PCDHA2: variants seen among roughly 807,000 people sequenced by gnomAD.
The protein encoded by PCDHA2 is protocadherin alpha-2.
Under a neutral mutation model 66.0 loss-of-function variants are expected in PCDHA2, and 58 were observed. The observed-to-expected ratio is 0.88, with a 90% CI of 0.71 to 1.09. The LOEUF is 1.09. Ranked by LOEUF, PCDHA2 falls within the 50% of genes least tolerant of loss-of-function variation. The pLI is 0.00. For synonymous variants in PCDHA2, 634 were observed against 554.0 expected (o/e 1.14, Z -2.03); for missense variants, 1,267 against 1,242.3 (o/e 1.02, Z -0.30).
At chr5:140,846,654 A>T (rs941473250) in intron 1 of PCDHA2, among the ~76,000 whole-genome samples, 1 of 149,238 alleles carries the variant, frequency 6.7e-6, no homozygotes, top group African/African-American at 2.5e-5. Flanking sequence ...GATTACAGGC[A>T]TGAGCCACCG....
intron 1 of PCDHA2, chr5:140,883,801 C>T (rs782690228): frequency 4.3e-6 from 7 of 1,612,430 alleles, no homozygotes; most frequent in Non-Finnish European, 5.9e-6. Context: ...TGTCGGTGCA[C>T]GCGGAGAGCG....
chr5:140,857,108 C>T, intron 1 of PCDHA2: 6 of 1,597,856 alleles, frequency 3.8e-6, no homozygotes, highest in Non-Finnish European at 5.1e-6. Context: ...TGTCACTTCT[C>T]TGTCTCTCCC....
At chr5:140,870,819 G>A (rs1365807310) in intron 1 of PCDHA2, 2 of 1,613,712 alleles carry the variant, frequency 1.2e-6, no homozygotes, top group Admixed American at 3.3e-5. Flanking sequence ...CTGGCAGCGC[G>A]GGAGGCGCAG....
intron 1 of PCDHA2, chr5:140,857,755 T>A: frequency 6.3e-7 from 1 of 1,597,184 alleles, no homozygotes; most frequent in Non-Finnish European, 8.6e-7. Flanking sequence ...CGTCTCCCGC[T>A]GGCAGCGCGG....
In PCDHA2 at chr5:140,857,564, T is replaced by C. The variant is rs1254291079; in HGVS notation, c.2388+60212T>C. 1 of 1,596,742 alleles carries C rather than the reference T, an allele frequency of 6.3e-7. No homozygotes were observed. The highest frequency in any genetic ancestry group is 1.3e-5 in the African/African-American group (1 of 74,340). ...GTTGGGCGAGCGCTCGCTGTCGAGC[T>C]ACGTGTCGGTGCACGCGGAGAGCGG... On this transcript the variant is annotated intron_variant, in intron 1 of 3. Coordinates refer to ENST00000526136, the MANE Select transcript of PCDHA2 (RefSeq NM_018905.3).
Position 140,871,086 on chromosome 5 carries a change from G to C in PCDHA2, c.2388+73734G>C, listed in dbSNP as rs556097993. The C allele has an allele frequency of 1.9e-6, 3 of 1,613,256 alleles. No individual in the cohort carries two copies. In the South Asian group the frequency reaches 3.3e-5, roughly 18 times the overall value. ...ACGGTGAGCCGGCGCTGACGGCCAC[G>C]GCCACCGTGCTGGTGTCGTTGGTGG... On this transcript the variant is annotated intron_variant, in intron 1 of 3. Coordinates refer to ENST00000526136, the MANE Select transcript of PCDHA2 (RefSeq NM_018905.3).
intron 1 of PCDHA2, chr5:140,929,850 G>T: frequency 6.5e-6 from 1 of 154,348 alleles, no homozygotes. Flanking sequence ...GAGGAGGAAG[G>T]AGTCAGAGAA....
intron 1 of PCDHA2, chr5:140,807,779 A>G (rs1562212438): frequency 6.2e-7 from 1 of 1,614,134 alleles, no homozygotes; most frequent in East Asian, 2.2e-5. Context: ...TATATTACGG[A>G]AATCTTTAGA....
At chr5:140,883,675 G>T (rs782140381) in intron 1 of PCDHA2, 5 of 1,613,894 alleles carry the variant, frequency 3.1e-6, no homozygotes, top group Non-Finnish European at 4.2e-6. Context: ...AAAACAATCC[G>T]CCGGGCTGCC....
chr5:140,851,492 T>C, intron 1 of PCDHA2: 2 of 896,256 alleles, frequency 2.2e-6, no homozygotes, highest in Non-Finnish European at 2.7e-6. Context: ...ACAGCCTTCA[T>C]TTCAACTTAT....
intron 1 of PCDHA2, among the ~76,000 whole-genome samples, chr5:140,936,113 G>A (rs1316824905): frequency 2.0e-5 from 3 of 151,964 alleles, no homozygotes; most frequent in South Asian, 2.1e-4. Context: ...GGCTGGTCTC[G>A]AACTCCTGAC....
chr5:140,890,173 C>T (rs1188650558), intron 1 of PCDHA2, among the ~76,000 whole-genome samples: 4 of 152,114 alleles, frequency 2.6e-5, no homozygotes, highest in African/African-American at 7.2e-5. Context: ...CAGAAATAGG[C>T]AAATGCTACA....
chr5:140,869,238 G>A (rs1430399840), intron 1 of PCDHA2: 1 of 1,613,534 alleles, frequency 6.2e-7, no homozygotes, highest in African/African-American at 1.3e-5. Flanking sequence ...GCACCTTCGT[G>A]GGCCGCATCG....
intron 1 of PCDHA2, chr5:140,867,950 C>G (rs2050209580): frequency 1.3e-5 from 2 of 152,002 alleles, no homozygotes; most frequent in Non-Finnish European, 2.9e-5. Context: ...ACTTCTGCTC[C>G]CAAACCCAAA....
intron 1 of PCDHA2, chr5:140,869,906 A>G: frequency 6.2e-7 from 1 of 1,610,936 alleles, no homozygotes; most frequent in Non-Finnish European, 8.5e-7. Context: ...AACGCCACAG[A>G]CCGAGACGAA....
chr5:140,853,953 C>A, intron 1 of PCDHA2: 1 of 757,816 alleles, frequency 1.3e-6, no homozygotes, highest in Non-Finnish European at 1.6e-6. Flanking sequence ...AGGGTCCCTT[C>A]CTTGAGCCCA....
chr5:140,837,063 T>G, intron 1 of PCDHA2: 1 of 187,816 alleles, frequency 5.3e-6, no homozygotes, highest in South Asian at 1.4e-4. Flanking sequence ...TTCCATATTT[T>G]GATAATCAAT....
At chr5:140,805,596 A>G (rs1763602146) in intron 1 of PCDHA2, 1 of 927,716 alleles carries the variant, frequency 1.1e-6, no homozygotes, top group Non-Finnish European at 1.3e-6. Context: ...ATGTCTTTAT[A>G]TATTAAATTT....
At chr5:140,808,857 A>G (rs1764281184) in intron 1 of PCDHA2, 2 of 1,613,038 alleles carry the variant, frequency 1.2e-6, no homozygotes, top group African/African-American at 2.7e-5. Context: ...TTCGTGCTGG[A>G]CGAAAACGAC....
Sources: allele counts gnomAD v4.1 joint callset (sites outside exome capture counted in the v4.1 genomes callset), GRCh38; gene constraint gnomAD v4.1.1; transcripts MANE v1.5; gene names NCBI Gene and HGNC (gene_info 2026-07-23, HGNC 2026-07-21).